The following GRM5 variants were observed in gnomAD, a reference collection of about 807,000 sequenced individuals.
GRM5 encodes glutamate metabotropic receptor 5.
GRM5 carries 19 observed loss-of-function variants against 83.1 expected under a neutral mutation model. The observed-to-expected ratio is 0.23, with a 90% CI of 0.16 to 0.34. GRM5 has a LOEUF of 0.34. Among genes scored for constraint, GRM5 ranks in the 10% least tolerant of loss-of-function variants. The pLI is 1.00. For missense variants in GRM5, 1,160 were observed against 1,588.3 expected, an observed-to-expected ratio of 0.73 and a Z score of 4.58; for synonymous variants, 675 against 633.6, an observed-to-expected ratio of 1.07 and a Z score of -0.98.
At chr11:88,985,435 A>G (rs1939673163) in intron 2 of GRM5, among the ~76,000 whole-genome samples, 1 of 152,124 alleles carries the variant, frequency 6.6e-6, no homozygotes, top group African/African-American at 2.4e-5. Flanking sequence ...AACTAAAGGC[A>G]CAATTTATTG....
At chr11:88,775,344 T>C (rs541003171) in intron 3 of GRM5, among the ~76,000 whole-genome samples, 1 of 152,292 alleles carries the variant, frequency 6.6e-6, no homozygotes, top group Admixed American at 6.5e-5. Context: ...CCTTTACTTG[T>C]CTTCCTAGCA....
At chr11:88,534,685 A>C (rs988502062) in intron 8 of GRM5, among the ~76,000 whole-genome samples, 2 of 152,194 alleles carry the variant, frequency 1.3e-5, no homozygotes, top group African/African-American at 4.8e-5. Context: ...GGGGACTGTC[A>C]GGAAGGCATG....
intron 2 of GRM5, among the ~76,000 whole-genome samples, chr11:89,022,919 T>C (rs1400915267): frequency 6.6e-6 from 1 of 152,160 alleles, no homozygotes; most frequent in African/African-American, 2.4e-5. Flanking sequence ...GAGCAAATGC[T>C]TTGTAGGAAA....
At chr11:88,649,221 T>A (rs1240803126) in intron 4 of GRM5, among the ~76,000 whole-genome samples, 2 of 139,456 alleles carry the variant, frequency 1.4e-5, no homozygotes, top group South Asian at 2.1e-4. Context: ...TATACACATA[T>A]ATGTATATAT....
intron 4 of GRM5, among the ~76,000 whole-genome samples, chr11:88,628,812 T>C (rs942310584): frequency 1.2e-4 from 18 of 152,302 alleles, no homozygotes; most frequent in Middle Eastern, 3.4e-3. Flanking sequence ...ATGTAGATTG[T>C]GAAGTGCTCC....
At chr11:88,714,582 T>G (rs962104310) in intron 3 of GRM5, among the ~76,000 whole-genome samples, 1 of 151,958 alleles carries the variant, frequency 6.6e-6, no homozygotes, top group African/African-American at 2.4e-5. Context: ...ATCTCTTCTT[T>G]GAGATGTAGT....
At chr11:88,746,504 T>C (rs987847687) in intron 3 of GRM5, among the ~76,000 whole-genome samples, 1 of 151,898 alleles carries the variant, frequency 6.6e-6, no homozygotes, top group South Asian at 2.1e-4. Flanking sequence ...TACTGGAGAC[T>C]ATAGTGGACA....
chr11:89,019,870 G>T (rs1940941542), intron 2 of GRM5, among the ~76,000 whole-genome samples: 1 of 152,202 alleles, frequency 6.6e-6, no homozygotes, highest in Admixed American at 6.5e-5. Flanking sequence ...CAATGAAAGA[G>T]GCTGTACTGC....
rs1941307139 is a variant in GRM5, at chr11:88,509,590, G to GC, written c.2727-87dup. 3 of 902,366 alleles carry GC rather than the reference G, an allele frequency of 3.3e-6. No individual in the cohort carries two copies. The Admixed American group carries it at 7.0e-5, about 21-fold the overall frequency. The allele number at this position is 902,366 out of a possible 1,614,324, so 55.9% of individuals were successfully genotyped here. On this transcript the variant is annotated intron_variant, in intron 9 of 9. Transcript: ENST00000305447. ...CTTCCCCAATGGTGGTTGCTCATGG[G>GC]CCCCGGACTGGGGAGGACTTTTCTC...
chr11:88,588,580 T>C (rs184891784), intron 7 of GRM5, among the ~76,000 whole-genome samples: 25 of 152,314 alleles, frequency 1.6e-4, no homozygotes, highest in Admixed American at 1.6e-3. Context: ...TCACATGTGC[T>C]GTTACCCCAG....
chr11:88,959,112 A>G (rs1427139064), intron 2 of GRM5, among the ~76,000 whole-genome samples: 1 of 151,960 alleles, frequency 6.6e-6, no homozygotes, highest in Non-Finnish European at 1.5e-5. Context: ...AATAGTTTTG[A>G]CCTCACAGGA....
chr11:88,780,998 T>C (rs1305837919), intron 3 of GRM5, among the ~76,000 whole-genome samples: 1 of 151,910 alleles, frequency 6.6e-6, no homozygotes, highest in Non-Finnish European at 1.5e-5. Flanking sequence ...TTTAAACTTA[T>C]TGAAAATAAC....
chr11:88,792,245 A>G (rs900915115), intron 3 of GRM5, among the ~76,000 whole-genome samples: 7 of 152,086 alleles, frequency 4.6e-5, no homozygotes, highest in African/African-American at 1.7e-4. Context: ...ATTGCTCTAG[A>G]AAGAGTCCAT....
intron 3 of GRM5, among the ~76,000 whole-genome samples, chr11:88,777,330 C>T (rs147411454): frequency 1.2e-4 from 19 of 152,242 alleles, no homozygotes; most frequent in African/African-American, 4.3e-4. Flanking sequence ...TCTAGCTAGC[C>T]ATTCATCTTA....
intron 8 of GRM5, among the ~76,000 whole-genome samples, chr11:88,552,359 A>G (rs1942528638): frequency 6.6e-6 from 1 of 152,162 alleles, no homozygotes; most frequent in Admixed American, 6.5e-5. Context: ...TGGAAATGTG[A>G]TATCAATGAT....
At chr11:88,560,222 G>A (rs575384224) in intron 8 of GRM5, among the ~76,000 whole-genome samples, 2 of 152,142 alleles carry the variant, frequency 1.3e-5, no homozygotes, top group African/African-American at 4.8e-5. Context: ...AGCCCTGAAG[G>A]CTTCTAAACA....
At chr11:88,906,835 C>A (rs1945412038) in intron 2 of GRM5, among the ~76,000 whole-genome samples, 1 of 152,000 alleles carries the variant, frequency 6.6e-6, no homozygotes, top group Non-Finnish European at 1.5e-5. Flanking sequence ...AAACATAATG[C>A]CACATTTGAA....
At chr11:88,927,786 A>G (rs1800590948) in intron 2 of GRM5, among the ~76,000 whole-genome samples, 1 of 152,160 alleles carries the variant, frequency 6.6e-6, no homozygotes, top group Non-Finnish European at 1.5e-5. Flanking sequence ...ATTAATTTTA[A>G]AGAAATAACA....
rs888602251 is a variant in GRM5 at position 88,718,968 on chromosome 11, C to A, written c.912-65565G>T. On this transcript the variant is annotated intron_variant, in intron 3 of 9. Transcript: ENST00000305447. ...TTCTCAGTGAAGCATGTTTGGCCAC[C>A]CTATCTAAAATTGCCTCATGCTATC... Among the ~76,000 whole-genome samples, 4 of 147,268 alleles carry A rather than the reference C, an allele frequency of 2.7e-5. No individual in the cohort carries two copies. The East Asian group carries it at 8.1e-4, about 30-fold the overall frequency.
Sources: allele counts gnomAD v4.1 joint callset (sites outside exome capture counted in the v4.1 genomes callset), GRCh38; gene constraint gnomAD v4.1.1; transcripts MANE v1.5; gene names NCBI Gene and HGNC (gene_info 2026-07-23, HGNC 2026-07-21).